Variants in SIPA1L2 observed in about 807,000 individuals in gnomAD.
The protein encoded by SIPA1L2 is signal-induced proliferation-associated 1-like protein 2.
A neutral mutation model predicts 163.9 loss-of-function variants in SIPA1L2; 56 were observed. The ratio of observed to expected loss-of-function variants is 0.34; its 90% confidence interval spans 0.28 to 0.43. The LOEUF (loss-of-function observed/expected upper bound fraction) is 0.43. SIPA1L2 is among the 20% of genes least tolerant of loss of function. The pLI, the probability that SIPA1L2 is intolerant of heterozygous loss-of-function variation, is 1.00. For missense variants in SIPA1L2, 1,974 were observed against 2,193.5 expected (o/e 0.90, Z 2.00); for synonymous variants, 877 against 865.7 (o/e 1.01, Z -0.23).
At chr1:232,415,459 G>A (rs1265489943) in intron 19 of SIPA1L2, 35 bp downstream of exon 19, 1 of 1,578,494 alleles carries the variant, frequency 6.3e-7, no homozygotes, top group African/African-American at 1.4e-5. Context: ...CACTCCCAGG[G>A]TAAGGGGTGA....
intron 22 of SIPA1L2, among the ~76,000 whole-genome samples, chr1:232,401,724 G>A (rs1462978422): frequency 6.6e-6 from 1 of 152,068 alleles, no homozygotes; most frequent in African/African-American, 2.4e-5. Context: ...CCTCCCAACT[G>A]AATCCTTTCC....
intron 1 of SIPA1L2, among the ~76,000 whole-genome samples, chr1:232,625,756 G>C (rs1663040986): frequency 6.6e-6 from 1 of 152,108 alleles, no homozygotes. Context: ...AGCAGAATCA[G>C]ATTTCAATTC....
At chr1:232,567,952 C>A (rs789648) in intron 2 of SIPA1L2, among the ~76,000 whole-genome samples, 128,545 of 152,248 alleles carry the variant, frequency 0.84, 54,852 homozygotes, top group East Asian at 1. Context: ...GTCCGAAACG[C>A]CAGGGTTCCA....
chr1:232,404,492 GT>G (rs1211473151), intron 19 of SIPA1L2, among the ~76,000 whole-genome samples: 6 of 152,192 alleles, frequency 3.9e-5, no homozygotes, highest in Non-Finnish European at 8.8e-5. Context: ...GAGAGTGGTG[GT>G]AAGAGAGATT....
intron 15 of SIPA1L2, among the ~76,000 whole-genome samples, chr1:232,434,856 A>ACTC (rs145299133): frequency 0.058 from 8,815 of 152,146 alleles, 346 homozygotes; most frequent in Middle Eastern, 0.13. Context: ...ACATCATCAT[A>ACTC]CTCCTATATT....
At chr1:232,568,159 A>G (rs191731162) in intron 2 of SIPA1L2, among the ~76,000 whole-genome samples, 342 of 152,302 alleles carry the variant, frequency 2.2e-3, no homozygotes, top group Middle Eastern at 6.8e-3. Flanking sequence ...CAAATTAATC[A>G]TATCCAACGA....
chr1:232,471,228 C>T lies in SIPA1L2; in HGVS notation c.2243+143G>A, dbSNP rs1664780843. The stretch of plus-strand genomic sequence containing the variant: ...TCAAGGGGATAAAATGGGAAGAAGG[C>T]AATTATTTCTTACAGAAAGTGTCTG... On this transcript the variant is annotated intron_variant, in intron 8 of 22. Coordinates refer to ENST00000674635, the MANE Select transcript of SIPA1L2 (RefSeq NM_020808.5). The T allele has an allele frequency of 6.9e-6, 6 of 867,996 alleles. No homozygotes were observed. The South Asian group carries it at 9.9e-5, about 14-fold the overall frequency. The allele number at this position is 867,996 out of a possible 1,614,324, so 53.8% of individuals were successfully genotyped here.
chr1:232,480,165 G>GCA (rs1665266514), intron 6 of SIPA1L2, among the ~76,000 whole-genome samples: 1 of 132,362 alleles, frequency 7.6e-6, no homozygotes, highest in East Asian at 2.3e-4. Context: ...GTGTGTGTGT[G>GCA]TGTGTGTGTG....
chr1:232,479,519 A>G, intron 7 of SIPA1L2, 108 bp downstream of exon 7: 1 of 880,030 alleles, frequency 1.1e-6, no homozygotes. Flanking sequence ...GCTATTCAAG[A>G]AAAACCCTCA....
In SIPA1L2 at chr1:232,595,417, C is replaced by T. The variant is rs886171748; in HGVS notation, c.-318-21195G>A. Among the ~76,000 whole-genome samples, 4 of 152,152 alleles carry T rather than the reference C, an allele frequency of 2.6e-5. No individual in the cohort carries two copies. In the East Asian group the frequency reaches 5.8e-4, roughly 22 times the overall value. ...AATTGAAGGTCTAGCAAAGGGCGGC[C>T]AGAGGTCGGAAAGCACACCACCCTT... On this transcript the variant is annotated intron_variant, in intron 1 of 22. Transcript: ENST00000674635.
Position 232,425,721 on chromosome 1 carries a change from A to G in SIPA1L2, c.4498T>C (p.Ser1500Pro). ...ESICSNRRGS[S>P]FGSSRSSVLD... ...ACGGAACTCCGGGAACTGCCAAAGG[A>G]GGACCCCCTCCTGTTGCTGCAGATG... is the stretch of plus-strand genomic sequence containing the variant. Residue 1500 changes from serine to proline, a missense_variant, in exon 18 of 23, where the codon TCC (serine) becomes CCC (proline). Transcript: ENST00000674635. 1 of 1,614,118 alleles carries G rather than the reference A, an allele frequency of 6.2e-7. No homozygotes were observed. Among genetic ancestry groups the G allele is most frequent in the East Asian group, 2.2e-5 (1 of 44,874 alleles).
intron 3 of SIPA1L2, among the ~76,000 whole-genome samples, chr1:232,502,901 C>T (rs964440491): frequency 1.3e-5 from 2 of 152,348 alleles, no homozygotes; most frequent in South Asian, 2.1e-4. Flanking sequence ...GACTGTGCCC[C>T]CTCCCATAAC....
At chr1:232,573,506 T>C (rs1659915171) in intron 2 of SIPA1L2, among the ~76,000 whole-genome samples, 1 of 152,200 alleles carries the variant, frequency 6.6e-6, no homozygotes. Context: ...GAATCCATTT[T>C]TGACAATCCA....
At chr1:232,427,711 A>ACAT (rs1661983100) in intron 17 of SIPA1L2, among the ~76,000 whole-genome samples, 1 of 152,256 alleles carries the variant, frequency 6.6e-6, no homozygotes, top group African/African-American at 2.4e-5. Flanking sequence ...AAGCAAGCTA[A>ACAT]CATTATCGAG....
At chr1:232,405,244 C>T (rs1572848537) in intron 19 of SIPA1L2, among the ~76,000 whole-genome samples, 1 of 152,240 alleles carries the variant, frequency 6.6e-6, no homozygotes, top group Non-Finnish European at 1.5e-5. Flanking sequence ...CTACTGATTG[C>T]ATTAAGAGTT....
intron 1 of SIPA1L2, among the ~76,000 whole-genome samples, chr1:232,604,580 G>T (rs1399075110): frequency 6.6e-6 from 1 of 152,090 alleles, no homozygotes; most frequent in Non-Finnish European, 1.5e-5. Flanking sequence ...TATCTGTTTG[G>T]GTTTTGTTTT....
rs749975241 is a variant in SIPA1L2, at chr1:232,432,452, T to C, written c.4051A>G (p.Ser1351Gly). The change falls in exon 16 of 23, where the codon AGC becomes GGC. Residue 1351 changes from serine (S) to glycine (G), a missense_variant. Transcript: ENST00000674635. ...SHSSGSHHSG[S>G]PSAHCSKSSG... Reference sequence around the variant, plus strand: ...CTTTTTGAACAGTGAGCTGAAGGGCTTCCTGAATGGTGAGAACCACTGAGG... The same window carrying C: ...CTTTTTGAACAGTGAGCTGAAGGGCCTCCTGAATGGTGAGAACCACTGAGG... The C allele has an allele frequency of 4.3e-6, 7 of 1,614,104 alleles. No homozygotes were observed. The East Asian group carries it at 8.9e-5, about 21-fold the overall frequency.
chr1:232,460,905 T>C lies in SIPA1L2; in HGVS notation c.3077A>G (p.Asp1026Gly). ...TVKVVIIQPH[D>G]DGSPRRGCSE... The stretch of plus-strand genomic sequence containing the variant: ...GCCTTACCTTCGGGGCGAGCCGTCA[T>C]CATGGGGCTGGATGATGACCACCTT... Residue 1026 changes from aspartate to glycine, a missense_variant, in exon 10 of 23, where the codon GAT (aspartate) becomes GGT (glycine). Physicochemically the swap from Asp to Gly is moderately conservative, Grantham distance 94. Transcript: ENST00000674635. The C allele has an allele frequency of 6.2e-7, 1 of 1,613,886 alleles. No individual in the cohort carries two copies. Among genetic ancestry groups the C allele is most frequent in the South Asian group, 1.1e-5 (1 of 91,084 alleles).
At chr1:232,619,160 T>C (rs1662663632) in intron 1 of SIPA1L2, among the ~76,000 whole-genome samples, 1 of 152,240 alleles carries the variant, frequency 6.6e-6, no homozygotes, top group Non-Finnish European at 1.5e-5. Context: ...TCTTCTGGTC[T>C]TGGAGAGGGC....
Sources: allele counts gnomAD v4.1 joint callset (sites outside exome capture counted in the v4.1 genomes callset), GRCh38; gene constraint gnomAD v4.1.1; transcripts MANE v1.5; gene names NCBI Gene and HGNC (gene_info 2026-07-23, HGNC 2026-07-21).